The following PABIR3 variants were observed in gnomAD, a reference collection of about 807,000 sequenced individuals.
PABIR3 encodes PABIR family member 3.
Under a neutral mutation model 23.1 loss-of-function variants are expected in PABIR3, and 20 were observed. The observed-to-expected ratio is 0.86, with a 90% CI of 0.61 to 1.26. PABIR3 has a LOEUF of 1.26. PABIR3 is among the 50% of genes most tolerant of loss of function. The pLI, the probability that PABIR3 is intolerant of heterozygous loss-of-function variation, is 0.00. For missense variants in PABIR3, 189 were observed against 195.4 expected, an observed-to-expected ratio of 0.97 and a Z score of 0.20; for synonymous variants, 69 against 68.5, an observed-to-expected ratio of 1.01 and a Z score of -0.04.
chrX:134,812,945 A>T (rs2080757829), intron 2 of PABIR3, among the ~76,000 whole-genome samples: 1 of 111,791 alleles, frequency 8.9e-6, no homozygotes, highest in African/African-American at 3.3e-5. Context: ...CTTTTAAAAG[A>T]GTTAAGTACA....
At chrX:134,812,419 G>A (rs972427157) in intron 2 of PABIR3, among the ~76,000 whole-genome samples, 3 of 112,009 alleles carry the variant, frequency 2.7e-5, no homozygotes, top group African/African-American at 9.7e-5. Context: ...AAATGACTGG[G>A]AAAGTAAGTA....
At chrX:134,835,984 C>G (rs1159653188) in intron 4 of PABIR3, among the ~76,000 whole-genome samples, 1 of 111,786 alleles carries the variant, frequency 8.9e-6, no homozygotes, top group East Asian at 2.8e-4. Context: ...ACTACAGGCA[C>G]CCACCACCAC....
At chrX:134,805,614 T>C (rs748860117), upstream of PABIR3, among the ~76,000 whole-genome samples, 2 of 112,195 alleles carry the variant, frequency 1.8e-5, no homozygotes, top group African/African-American at 6.5e-5. Context: ...AAACATTTTG[T>C]AGGCCAGGCG....
upstream of PABIR3, among the ~76,000 whole-genome samples, chrX:134,803,401 G>T (rs1426947182): frequency 1.8e-5 from 2 of 112,255 alleles, no homozygotes; most frequent in Non-Finnish European, 3.8e-5. Flanking sequence ...CCACTTGAAT[G>T]GCCCTGGGGA....
chrX:134,797,427 T>C (rs1478552458), intron 1 of PABIR3, among the ~76,000 whole-genome samples: 1 of 112,686 alleles, frequency 8.9e-6, no homozygotes, highest in African/African-American at 3.2e-5. Flanking sequence ...CCAATATTCA[T>C]GGGAAATAGA....
chrX:134,824,143 G>A (rs1324993324), intron 3 of PABIR3, among the ~76,000 whole-genome samples: 1 of 111,853 alleles, frequency 8.9e-6, no homozygotes, highest in Non-Finnish European at 1.9e-5. Context: ...TCTAACAATA[G>A]GGAATAGGTC....
chrX:134,830,745 G>A (rs2081745141), intron 4 of PABIR3, among the ~76,000 whole-genome samples: 1 of 111,308 alleles, frequency 9.0e-6, no homozygotes, highest in Non-Finnish European at 1.9e-5. Context: ...GTGACCTCGT[G>A]TTTATCTGTG....
chrX:134,833,357 T>C (rs1256103807), intron 4 of PABIR3, among the ~76,000 whole-genome samples: 2 of 110,540 alleles, frequency 1.8e-5, no homozygotes, highest in Non-Finnish European at 3.8e-5. Flanking sequence ...TGAGAAGGAC[T>C]TTTTTTCTCC....
chrX:134,860,463 G>T, the PABIR3 span, among the ~76,000 whole-genome samples: 1 of 111,277 alleles, frequency 9.0e-6, no homozygotes, highest in Admixed American at 9.7e-5. Context: ...TAATATACAA[G>T]GCTGTTGAGA....
At chrX:134,804,376 G>A, upstream of PABIR3, 1 of 474,753 alleles carries the variant, frequency 2.1e-6, no homozygotes, top group African/African-American at 2.4e-5. Flanking sequence ...ATTCCAATTT[G>A]TGTATGTACT....
At chrX:134,816,770 T>C (rs138275578) in intron 3 of PABIR3, among the ~76,000 whole-genome samples, 1 of 112,548 alleles carries the variant, frequency 8.9e-6, no homozygotes, top group African/African-American at 3.2e-5. Context: ...GTTTGGTAAT[T>C]TATGTGTTAT....
At chrX:134,821,107 G>GGT (rs1458356993) in intron 3 of PABIR3, among the ~76,000 whole-genome samples, 2 of 89,941 alleles carry the variant, frequency 2.2e-5, no homozygotes, top group Non-Finnish European at 4.3e-5. Context: ...TATATATATG[G>GGT]GTGTGTGTGT....
chrX:134,828,041 C>CTATATATATA (rs796193908), intron 3 of PABIR3, among the ~76,000 whole-genome samples: 3 of 71,701 alleles, frequency 4.2e-5, no homozygotes, highest in East Asian at 4.0e-4. Flanking sequence ...CTCTCTCTCT[C>CTATATATATA]TCTCTCTATA....
chrX:134,852,736 G>T, intron 9 of PABIR3, 64 bp from the exon 10 acceptor site: 4 of 626,868 alleles, frequency 6.4e-6, no homozygotes, highest in Non-Finnish European at 8.9e-6. Flanking sequence ...TATTACTTTT[G>T]CAATTAAAAT....
At chrX:134,861,673 CAAAA>C in the PABIR3 span, among the ~76,000 whole-genome samples, 1 of 30,935 alleles carries the variant, frequency 3.2e-5, no homozygotes, top group East Asian at 1.2e-3. Flanking sequence ...GACTCCGCCT[CAAAA>C]AAAAAAAAAA....
chrX:134,802,054 A>C (rs1467537356), intron 1 of PABIR3, among the ~76,000 whole-genome samples: 1 of 103,343 alleles, frequency 9.7e-6, no homozygotes, highest in Non-Finnish European at 2.0e-5. Flanking sequence ...AGAGGGCTCA[A>C]CTCACATCTG....
upstream of PABIR3, chrX:134,796,414 G>A (rs2079820633): frequency 1.8e-5 from 7 of 391,273 alleles, no homozygotes; most frequent in Non-Finnish European, 3.1e-5. Flanking sequence ...GAGGAAGGGA[G>A]GATGATGGTG....
At chrX:134,829,726 G>A in intron 4 of PABIR3, among the ~76,000 whole-genome samples, 1 of 111,641 alleles carries the variant, frequency 9.0e-6, no homozygotes, top group African/African-American at 3.3e-5. Context: ...GTGCCCATGT[G>A]CACGCATGCA....
At chrX:134,835,532 T>G in intron 4 of PABIR3, 1 of 112,408 alleles carries the variant, frequency 8.9e-6, no homozygotes, top group Non-Finnish European at 1.9e-5. Flanking sequence ...ACTGTTGTTG[T>G]TAGCTGTTTT....
Sources: gnomAD v4.1 joint callset for allele counts (sites outside exome capture counted in the v4.1 genomes callset) on GRCh38, gnomAD v4.1.1 for gene constraint, MANE v1.5 for transcripts, NCBI Gene and HGNC (gene_info 2026-07-23, HGNC 2026-07-21) for gene names.